The following TLE1 variants were observed in gnomAD, a reference collection of about 807,000 sequenced individuals.
The protein encoded by TLE1 is TLE family member 1, transcriptional corepressor, also known as transducin-like enhancer protein 1.
In TLE1, 21 loss-of-function variants were observed where a neutral mutation model predicts 89.8. The ratio of observed to expected loss-of-function variants is 0.23; its 90% CI spans 0.17 to 0.34. The LOEUF is 0.34. Ranked by LOEUF, TLE1 falls within the 10% of genes least tolerant of loss-of-function variation. The pLI is 1.00. For missense variants in TLE1, 795 were observed against 1,031.2 expected, an observed-to-expected ratio of 0.77 and a Z score of 3.14; for synonymous variants, 447 against 407.6, an observed-to-expected ratio of 1.10 and a Z score of -1.16.
intron 1 of TLE1, among the ~76,000 whole-genome samples, 182 bp downstream of exon 1, chr9:81,688,035 G>A (rs72749010): frequency 0.056 from 8,574 of 152,084 alleles, 359 homozygotes; most frequent in Non-Finnish European, 0.083. Flanking sequence ...AAGGGAGGGA[G>A]AAAATTAAGA....
At chr9:81,668,215 G>A (rs910383031) in intron 4 of TLE1, among the ~76,000 whole-genome samples, 2 of 152,098 alleles carry the variant, frequency 1.3e-5, no homozygotes, top group Non-Finnish European at 2.9e-5. Flanking sequence ...AAGTTGTGGT[G>A]GGCAAGGGTA....
At chr9:81,587,908 G>GCC in intron 16 of TLE1, 80 bp from the exon 17 acceptor site, 3 of 601,574 alleles carry the variant, frequency 5.0e-6, no homozygotes, top group Middle Eastern at 3.2e-4. Flanking sequence ...GTTTTGGACC[G>GCC]TGTGTGTGTG....
At chr9:81,624,471 A>G (rs1825675482) in intron 8 of TLE1, among the ~76,000 whole-genome samples, 1 of 152,170 alleles carries the variant, frequency 6.6e-6, no homozygotes, top group Non-Finnish European at 1.5e-5. Flanking sequence ...TAGAGTCTAT[A>G]CTTTGAAAGA....
chr9:81,682,678 GC>G (rs1237913659), intron 4 of TLE1, among the ~76,000 whole-genome samples: 2 of 152,104 alleles, frequency 1.3e-5, no homozygotes, highest in Admixed American at 1.3e-4. Flanking sequence ...AAACCACCAG[GC>G]TCACATCAAC....
At chr9:81,618,619 G>A (rs561812619) in intron 9 of TLE1, among the ~76,000 whole-genome samples, 1 of 152,154 alleles carries the variant, frequency 6.6e-6, no homozygotes, top group Non-Finnish European at 1.5e-5. Context: ...TAATACTAAC[G>A]AAAATCTGTT....
chr9:81,682,057 G>A (rs555549537), intron 4 of TLE1, among the ~76,000 whole-genome samples: 4 of 151,932 alleles, frequency 2.6e-5, no homozygotes, highest in South Asian at 2.1e-4. Context: ...ACCAGCCTGC[G>A]AACATGGGTG....
At chr9:81,606,172 G>A (rs1206869959) in intron 14 of TLE1, among the ~76,000 whole-genome samples, 1 of 152,194 alleles carries the variant, frequency 6.6e-6, no homozygotes, top group Non-Finnish European at 1.5e-5. Context: ...CACTGTTGAT[G>A]GGACTGTAAA....
At chr9:81,659,690 T>C (rs1345972203) in intron 4 of TLE1, among the ~76,000 whole-genome samples, 2 of 152,150 alleles carry the variant, frequency 1.3e-5, no homozygotes, top group African/African-American at 2.4e-5. Context: ...GTAATACAGT[T>C]AGCCCTCATC....
At chr9:81,617,954 G>A (rs908808315) in intron 9 of TLE1, among the ~76,000 whole-genome samples, 1 of 152,166 alleles carries the variant, frequency 6.6e-6, no homozygotes, top group African/African-American at 2.4e-5. Context: ...GAACCTGGGA[G>A]GTGGAGGTTG....
At chr9:81,611,065 T>C (rs1823645233) in intron 13 of TLE1, among the ~76,000 whole-genome samples, 1 of 152,206 alleles carries the variant, frequency 6.6e-6, no homozygotes, top group African/African-American at 2.4e-5. Flanking sequence ...GTAGAGGACA[T>C]TTTTCAAACA....
chr9:81,663,408 A>G (rs942110471), intron 4 of TLE1, among the ~76,000 whole-genome samples: 2 of 152,162 alleles, frequency 1.3e-5, no homozygotes, highest in Admixed American at 1.3e-4. Flanking sequence ...GAGAATTGGG[A>G]GATAAAACAA....
intron 2 of TLE1, among the ~76,000 whole-genome samples, chr9:81,686,934 A>G (rs1165393880): frequency 6.6e-6 from 1 of 152,224 alleles, no homozygotes; most frequent in Non-Finnish European, 1.5e-5. Flanking sequence ...CCAATTTTCT[A>G]GTATGGCAAA....
At chr9:81,637,038 T>A (rs528253869) in intron 6 of TLE1, among the ~76,000 whole-genome samples, 15 of 150,856 alleles carry the variant, frequency 9.9e-5, no homozygotes, top group Non-Finnish European at 2.1e-4. Context: ...AAAAAAGATT[T>A]CCCCTCCCAT....
At chr9:81,660,688 T>G (rs2132746626) in intron 4 of TLE1, among the ~76,000 whole-genome samples, 1 of 150,044 alleles carries the variant, frequency 6.7e-6, no homozygotes, top group Non-Finnish European at 1.5e-5. Context: ...AGTGCTGGGA[T>G]TACAGGCATG....
chr9:81,595,379 G>T (rs373740168), intron 14 of TLE1, among the ~76,000 whole-genome samples: 12 of 152,134 alleles, frequency 7.9e-5, no homozygotes, highest in Admixed American at 2.0e-4. Flanking sequence ...TGTCCTACAA[G>T]AATTCTAGGC....
intron 14 of TLE1, among the ~76,000 whole-genome samples, chr9:81,605,929 A>G (rs927614973): frequency 3.9e-5 from 6 of 152,180 alleles, no homozygotes; most frequent in Non-Finnish European, 8.8e-5. Flanking sequence ...AATTTACAAG[A>G]AAAAAACAAC....
intron 17 of TLE1, among the ~76,000 whole-genome samples, chr9:81,587,454 C>A (rs936557498): frequency 6.6e-6 from 1 of 152,152 alleles, no homozygotes; most frequent in African/African-American, 2.4e-5. Flanking sequence ...AGAGAACACA[C>A]CTTAACCTAC....
At chr9:81,666,074 A>T (rs946187993) in intron 4 of TLE1, among the ~76,000 whole-genome samples, 2 of 152,156 alleles carry the variant, frequency 1.3e-5, no homozygotes, top group African/African-American at 4.8e-5. Flanking sequence ...TTAGTTCCTA[A>T]ATAGCACATT....
At chr9:81,637,214 C>T (rs934064853) in intron 6 of TLE1, among the ~76,000 whole-genome samples, 6 of 151,760 alleles carry the variant, frequency 4.0e-5, no homozygotes, top group African/African-American at 1.2e-4. Flanking sequence ...ACAAATTAGC[C>T]GGGCGTGGTG....
Sources: gnomAD v4.1 joint callset for allele counts (sites outside exome capture counted in the v4.1 genomes callset) on GRCh38, gnomAD v4.1.1 for gene constraint, MANE v1.5 for transcripts, NCBI Gene and HGNC (gene_info 2026-07-23, HGNC 2026-07-21) for gene names.